The following FTCDNL1 variants were observed in gnomAD, a reference collection of about 807,000 sequenced individuals.
FTCDNL1 encodes the protein formiminotransferase cyclodeaminase N-terminal like, also known as formiminotransferase N-terminal subdomain-containing protein.
Under a neutral mutation model 5.9 loss-of-function variants are expected in FTCDNL1, and 11 were observed. The observed-to-expected ratio is 1.87, with a 90% confidence interval of 1.18 to 3.10. The LOEUF (loss-of-function observed/expected upper bound fraction) is 3.10. Ranked by LOEUF, FTCDNL1 falls within the 30% of genes most tolerant of loss-of-function variation. The pLI, the probability that FTCDNL1 is intolerant of heterozygous loss-of-function variation, is 0.00. For synonymous variants in FTCDNL1, 58 were observed against 24.8 expected (o/e 2.34, Z -3.99); for missense variants, 115 against 65.5 (o/e 1.76, Z -2.61).
the FTCDNL1 span, among the ~76,000 whole-genome samples, chr2:199,727,602 G>A: frequency 1.3e-5 from 2 of 152,168 alleles, no homozygotes; most frequent in South Asian, 2.1e-4. Context: ...TAACTGCCTA[G>A]TCAGTCCCAG....
At chr2:199,784,037 G>A (rs1042722335) in intron 3 of FTCDNL1, among the ~76,000 whole-genome samples, 5 of 152,078 alleles carry the variant, frequency 3.3e-5, no homozygotes, top group African/African-American at 1.2e-4. Flanking sequence ...TAACCTCAGG[G>A]TAGCCAACCT....
intron 4 of FTCDNL1, among the ~76,000 whole-genome samples, chr2:199,814,135 T>C (rs2106469073): frequency 6.6e-6 from 1 of 152,138 alleles, no homozygotes; most frequent in Admixed American, 6.5e-5. Context: ...CCAAAAACAA[T>C]TAGTTATCAT....
the FTCDNL1 span, among the ~76,000 whole-genome samples, chr2:199,691,725 C>T: frequency 7.9e-5 from 12 of 152,266 alleles, no homozygotes; most frequent in Admixed American, 1.3e-4. Flanking sequence ...CTTATAACTA[C>T]GGTCAATCAT....
At chr2:199,717,623 A>G in the FTCDNL1 span, among the ~76,000 whole-genome samples, 1 of 145,966 alleles carries the variant, frequency 6.9e-6, no homozygotes, top group Non-Finnish European at 1.5e-5. Flanking sequence ...CCAACTCTTC[A>G]TAAAAGCCCC....
the FTCDNL1 span, among the ~76,000 whole-genome samples, chr2:199,711,118 C>A: frequency 6.6e-6 from 1 of 152,054 alleles, no homozygotes; most frequent in Non-Finnish European, 1.5e-5. Context: ...CAATAGGGTG[C>A]AGCCTTCTGA....
chr2:199,672,149 C>T, the FTCDNL1 span, among the ~76,000 whole-genome samples: 1 of 152,274 alleles, frequency 6.6e-6, no homozygotes, highest in African/African-American at 2.4e-5. Flanking sequence ...ACTTCCATAG[C>T]TACCTGGTAC....
At chr2:199,806,986 T>C (rs1700759977), downstream of FTCDNL1, among the ~76,000 whole-genome samples, 2 of 152,358 alleles carry the variant, frequency 1.3e-5, no homozygotes, top group South Asian at 2.1e-4. Flanking sequence ...CCATACATTG[T>C]CCACCTTGTA....
chr2:199,668,030 G>A, the FTCDNL1 span, among the ~76,000 whole-genome samples: 1 of 152,184 alleles, frequency 6.6e-6, no homozygotes, highest in Non-Finnish European at 1.5e-5. Context: ...AGAGGAAGCA[G>A]TGTGATGGTG....
chr2:199,680,896 G>A, the FTCDNL1 span, among the ~76,000 whole-genome samples: 1 of 152,058 alleles, frequency 6.6e-6, no homozygotes, highest in African/African-American at 2.4e-5. Flanking sequence ...AGAGTATCTT[G>A]TTCTCACCTG....
At chr2:199,717,981 A>G in the FTCDNL1 span, among the ~76,000 whole-genome samples, 1 of 45,442 alleles carries the variant, frequency 2.2e-5, no homozygotes. Context: ...AAAAAACCAA[A>G]AAAACAAAAA....
the FTCDNL1 span, among the ~76,000 whole-genome samples, chr2:199,705,955 G>A: frequency 1.3e-5 from 2 of 152,146 alleles, no homozygotes; most frequent in African/African-American, 4.8e-5. Flanking sequence ...TCATTCTTGA[G>A]GGCTCTGGGC....
intron 3 of FTCDNL1, 134 bp from the exon 4 acceptor site, chr2:199,819,891 A>G: frequency 1.7e-6 from 1 of 602,986 alleles, no homozygotes; most frequent in East Asian, 2.8e-5. Flanking sequence ...CTAAGTGTCC[A>G]GATCAGTGGC....
chr2:199,666,153 G>A, the FTCDNL1 span, among the ~76,000 whole-genome samples: 4 of 152,322 alleles, frequency 2.6e-5, no homozygotes, highest in Admixed American at 2.0e-4. Flanking sequence ...AATAATGCAT[G>A]TAAAGCACTA....
At chr2:199,848,017 T>A (rs987928818) in intron 2 of FTCDNL1, among the ~76,000 whole-genome samples, 1 of 152,180 alleles carries the variant, frequency 6.6e-6, no homozygotes, top group Non-Finnish European at 1.5e-5. Context: ...AAAATGACAA[T>A]CGGAAATTAA....
At chr2:199,808,842 A>C (rs1351201980), downstream of FTCDNL1, among the ~76,000 whole-genome samples, 1 of 152,232 alleles carries the variant, frequency 6.6e-6, no homozygotes, top group East Asian at 1.9e-4. Flanking sequence ...GATTTGTCCT[A>C]TTTCATAGCT....
intron 3 of FTCDNL1, among the ~76,000 whole-genome samples, chr2:199,823,930 T>C (rs1039551336): frequency 2.2e-4 from 33 of 152,254 alleles, no homozygotes; most frequent in African/African-American, 6.5e-4. Context: ...TCCAATAGAA[T>C]GTTGTTTCAT....
the FTCDNL1 span, among the ~76,000 whole-genome samples, chr2:199,746,286 T>C: frequency 6.8e-4 from 104 of 152,178 alleles, no homozygotes; most frequent in Non-Finnish European, 1.3e-3. Flanking sequence ...ACAGGGCTAG[T>C]GGGGGATGGG....
intron 3 of FTCDNL1, 138 bp downstream of exon 3, chr2:199,845,937 G>A (rs2106634508): frequency 2.4e-6 from 1 of 425,078 alleles, no homozygotes. Context: ...AAATGATTAA[G>A]TGTAGCTTTG....
intron 4 of FTCDNL1, among the ~76,000 whole-genome samples, chr2:199,816,392 T>G (rs1226985096): frequency 6.6e-6 from 1 of 152,208 alleles, no homozygotes; most frequent in East Asian, 1.9e-4. Flanking sequence ...CCATCAAATA[T>G]AATCTGAATA....
Sources: allele counts gnomAD v4.1 joint callset (sites outside exome capture counted in the v4.1 genomes callset), GRCh38; gene constraint gnomAD v4.1.1; transcripts MANE v1.5; gene names NCBI Gene and HGNC (gene_info 2026-07-23, HGNC 2026-07-21).